Variants in ARL14EPL observed in about 807,000 individuals in gnomAD.
ARL14EPL encodes the protein ARL14 effector protein-like.
Under a neutral mutation model 15.9 loss-of-function variants are expected in ARL14EPL, and 17 were observed. The ratio of observed to expected loss-of-function variants is 1.07; its 90% confidence interval spans 0.73 to 1.60. The LOEUF (loss-of-function observed/expected upper bound fraction) is 1.60, where lower values mean the gene tolerates loss of function less well. Ranked by LOEUF, ARL14EPL falls within the 40% of genes most tolerant of loss-of-function variation. The probability of loss-of-function intolerance (pLI) is 0.00; values close to 1 mark genes in which losing one functional copy is unlikely to be tolerated. For missense variants in ARL14EPL, 214 were observed against 185.9 expected (o/e 1.15, Z -0.88); for synonymous variants, 78 against 63.8 (o/e 1.22, Z -1.06).
At chr5:116,052,749 A>G (rs1744104736) in intron 2 of ARL14EPL, among the ~76,000 whole-genome samples, 1 of 152,250 alleles carries the variant, frequency 6.6e-6, no homozygotes, top group African/African-American at 2.4e-5. Context: ...CTAGACTCTT[A>G]TTAAACTAAA....
chr5:116,057,283 T>C (rs2662478), intron 3 of ARL14EPL, among the ~76,000 whole-genome samples: 98,836 of 151,956 alleles, frequency 0.65, 34,040 homozygotes, highest in Non-Finnish European at 0.79. Context: ...TGGGTGGGGA[T>C]TGAAGAGGAC....
intron 1 of ARL14EPL, among the ~76,000 whole-genome samples, chr5:116,039,980 AAT>A (rs776601750): frequency 1.3e-5 from 2 of 152,194 alleles, no homozygotes; most frequent in Non-Finnish European, 2.9e-5. Flanking sequence ...CTTCTTAACA[AAT>A]ATGTTTCCAC....
chr5:116,055,062 A>G (rs527562993), intron 3 of ARL14EPL, among the ~76,000 whole-genome samples: 1 of 152,262 alleles, frequency 6.6e-6, no homozygotes, highest in South Asian at 2.1e-4. Flanking sequence ...CCTAATAGAC[A>G]AATTAATAAA....
intron 1 of ARL14EPL, among the ~76,000 whole-genome samples, chr5:116,050,780 ATC>A (rs141191776): frequency 0.02 from 2,620 of 128,700 alleles, 23 homozygotes; most frequent in Middle Eastern, 0.034. Context: ...TATGGGCTCC[ATC>A]TCTCTCTCTC....
At chr5:116,037,697 ATAT>A (rs749637081) in intron 1 of ARL14EPL, among the ~76,000 whole-genome samples, 2 of 152,236 alleles carry the variant, frequency 1.3e-5, no homozygotes, top group Non-Finnish European at 2.9e-5. Flanking sequence ...TATTTTTAAA[ATAT>A]TAATAACTTT....
intron 2 of ARL14EPL, among the ~76,000 whole-genome samples, chr5:116,053,435 A>G (rs571837773): frequency 6.6e-6 from 1 of 151,656 alleles, no homozygotes; most frequent in Non-Finnish European, 1.5e-5. Flanking sequence ...AAGTCATCCT[A>G]GCAATATTTC....
At chr5:116,038,079 G>C (rs1002567335) in intron 1 of ARL14EPL, among the ~76,000 whole-genome samples, 10 of 152,174 alleles carry the variant, frequency 6.6e-5, no homozygotes, top group Non-Finnish European at 1.2e-4. Context: ...GGATGGCGGA[G>C]TGGGTTAGAA....
intron 1 of ARL14EPL, among the ~76,000 whole-genome samples, chr5:116,043,005 C>G (rs1048661098): frequency 6.6e-6 from 1 of 151,838 alleles, no homozygotes; most frequent in African/African-American, 2.4e-5. Flanking sequence ...TACTACGGTA[C>G]TTGGGGATGT....
intron 3 of ARL14EPL, among the ~76,000 whole-genome samples, chr5:116,057,565 A>T (rs1749550861): frequency 6.6e-6 from 1 of 152,164 alleles, no homozygotes; most frequent in Non-Finnish European, 1.5e-5. Context: ...CTTATAATAG[A>T]TTTAAAATAT....
chr5:116,037,875 A>G (rs999365317), intron 1 of ARL14EPL, among the ~76,000 whole-genome samples: 3 of 152,206 alleles, frequency 2.0e-5, no homozygotes, highest in South Asian at 2.1e-4. Context: ...TTTAACACCA[A>G]TTTGAGATAA....
At chr5:116,057,257 G>A (rs77031290) in intron 3 of ARL14EPL, among the ~76,000 whole-genome samples, 2 of 152,136 alleles carry the variant, frequency 1.3e-5, no homozygotes, top group East Asian at 3.9e-4. Flanking sequence ...TTTGAGGGGA[G>A]GGTAGAGGGA....
At chr5:116,042,849 A>G (rs930189475) in intron 1 of ARL14EPL, among the ~76,000 whole-genome samples, 1 of 152,186 alleles carries the variant, frequency 6.6e-6, no homozygotes, top group Non-Finnish European at 1.5e-5. Context: ...TCTTCCTTAC[A>G]TGAAGGATAG....
At chr5:116,054,276 A>G in intron 3 of ARL14EPL, 123 bp downstream of exon 3, 3 of 1,114,998 alleles carry the variant, frequency 2.7e-6, no homozygotes, top group Admixed American at 5.8e-5. Context: ...CCTCTGAAAT[A>G]TAATAGTACC....
intron 1 of ARL14EPL, among the ~76,000 whole-genome samples, chr5:116,040,842 G>A (rs922361725): frequency 4.4e-4 from 66 of 149,252 alleles, no homozygotes; most frequent in African/African-American, 1.4e-3. Context: ...TTAGTCGGGC[G>A]TGGTGGCGGG....
At chr5:116,041,266 C>T (rs1317947748) in intron 1 of ARL14EPL, among the ~76,000 whole-genome samples, 3 of 152,036 alleles carry the variant, frequency 2.0e-5, no homozygotes. Flanking sequence ...TGGCATATAT[C>T]CACTGCTGAA....
rs1439993292 is a variant in ARL14EPL, at chr5:116,059,365, C to T, written c.*418C>T. Reference sequence around the variant, plus strand: ...TAGTTGTCCTTAGAATCTTATACATCACTAGCTGTAAATCAGAATTGCCAT... The same window carrying T: ...TAGTTGTCCTTAGAATCTTATACATTACTAGCTGTAAATCAGAATTGCCAT... On this transcript the variant is annotated 3_prime_UTR_variant, in exon 4 of 4. Coordinates refer to ENST00000686077, the MANE Select transcript of ARL14EPL (RefSeq NM_001195581.2). The T allele has an allele frequency of 5.9e-6, 1 of 169,972 alleles. No homozygotes were observed. Among genetic ancestry groups the T allele is most frequent in the Non-Finnish European group, 1.3e-5 (1 of 78,026 alleles). The allele number at this position is 169,972 out of a possible 1,614,324, so 10.5% of individuals were successfully genotyped here.
intron 1 of ARL14EPL, among the ~76,000 whole-genome samples, chr5:116,036,843 A>C (rs911127577): frequency 6.6e-6 from 1 of 152,212 alleles, no homozygotes; most frequent in East Asian, 1.9e-4. Context: ...TTCCAGTTTC[A>C]GATGTCAAAT....
intron 1 of ARL14EPL, among the ~76,000 whole-genome samples, chr5:116,045,478 T>C (rs910528299): frequency 6.6e-6 from 1 of 152,110 alleles, no homozygotes; most frequent in Middle Eastern, 3.2e-3. Flanking sequence ...CAAGAAATAA[T>C]TTGAATGTAT....
intron 1 of ARL14EPL, among the ~76,000 whole-genome samples, chr5:116,034,633 G>C (rs1424233793): frequency 6.6e-6 from 1 of 152,136 alleles, no homozygotes; most frequent in Non-Finnish European, 1.5e-5. Context: ...GTAGGGAAGA[G>C]ATGTGATCAG....
Sources: gnomAD v4.1 joint callset for allele counts (sites outside exome capture counted in the v4.1 genomes callset) on GRCh38, gnomAD v4.1.1 for gene constraint, MANE v1.5 for transcripts, NCBI Gene and HGNC (gene_info 2026-07-23, HGNC 2026-07-21) for gene names.